Variants in LSP1 observed in about 807,000 individuals in gnomAD.
LSP1 encodes the protein lymphocyte specific protein 1.
LSP1 carries 32 observed loss-of-function variants against 49.3 expected under a neutral mutation model. That is an observed-to-expected ratio of 0.65 (90% CI 0.49 to 0.87). LSP1 has a LOEUF of 0.87. Among genes scored for constraint, LSP1 ranks in the 40% least tolerant of loss-of-function variants. The probability of loss-of-function intolerance (pLI) is 0.00; values close to 1 mark genes in which losing one functional copy is unlikely to be tolerated. For synonymous variants in LSP1, 179 were observed against 178.8 expected (o/e 1.00, Z -0.01); for missense variants, 428 against 442.6 (o/e 0.97, Z 0.30).
Position 1,857,392 on chromosome 11 carries a change from G to A in LSP1, c.53+4195G>A, listed in dbSNP as rs1847516219. Among the ~76,000 whole-genome samples the A allele has an allele frequency of 2.0e-5, 3 of 152,212 alleles. No individual in the cohort carries two copies. The South Asian group carries it at 6.2e-4, about 31-fold the overall frequency. ...GGGCCTCTGCTCCGCTACCCTACGG[G>A]CCAGCCTGTCTCCACCTCAGTTCCC... On this transcript the variant is annotated intron_variant, in intron 1 of 10. Coordinates refer to ENST00000311604, the MANE Select transcript of LSP1 (RefSeq NM_002339.3).
chr11:1,861,751 G>T (rs539456351), intron 1 of LSP1, among the ~76,000 whole-genome samples: 5 of 122,706 alleles, frequency 4.1e-5, no homozygotes, highest in African/African-American at 1.3e-4. Flanking sequence ...TGGTGGATGA[G>T]TGGATGAGTG....
chr11:1,885,444 T>C (rs1848716092), intron 7 of LSP1, among the ~76,000 whole-genome samples: 1 of 151,438 alleles, frequency 6.6e-6, no homozygotes, highest in South Asian at 2.1e-4. Flanking sequence ...GCTCCTCCAT[T>C]CAATCAATTC....
At chr11:1,858,902 G>A (rs1847554096) in intron 1 of LSP1, among the ~76,000 whole-genome samples, 1 of 152,222 alleles carries the variant, frequency 6.6e-6, no homozygotes, top group Non-Finnish European at 1.5e-5. Flanking sequence ...CTGAGCAGGG[G>A]TGGCAGGAGG....
intron 1 of LSP1, among the ~76,000 whole-genome samples, chr11:1,854,085 G>A (rs1847428221): frequency 6.6e-6 from 1 of 152,186 alleles, no homozygotes; most frequent in African/African-American, 2.4e-5. Flanking sequence ...GGAGGGCTCA[G>A]GGCGTGCGGT....
intron 3 of LSP1, among the ~76,000 whole-genome samples, chr11:1,881,974 C>T (rs1848566813): frequency 2.0e-5 from 3 of 152,318 alleles, no homozygotes; most frequent in East Asian, 1.9e-4. Flanking sequence ...CACACAGCTG[C>T]GGCCGCTTCC....
chr11:1,857,069 G>C (rs953312610), intron 1 of LSP1, among the ~76,000 whole-genome samples: 1 of 152,234 alleles, frequency 6.6e-6, no homozygotes, highest in South Asian at 2.1e-4. Context: ...CCTGCCCTGG[G>C]TAAGGGGTCT....
chr11:1,862,118 G>C (rs1441689054), intron 1 of LSP1, among the ~76,000 whole-genome samples: 1 of 152,058 alleles, frequency 6.6e-6, no homozygotes, highest in Admixed American at 6.5e-5. Context: ...TGAATAGATG[G>C]GTGGGTGGAT....
At chr11:1,882,282 C>T (rs1216055251) in intron 3 of LSP1, among the ~76,000 whole-genome samples, 4 of 152,152 alleles carry the variant, frequency 2.6e-5, no homozygotes, top group Admixed American at 6.5e-5. Flanking sequence ...GGGACCCCAG[C>T]CCTGCTCAGG....
At position 1,880,083 on chromosome 11, in the gene LSP1, C is replaced by G; in HGVS notation, c.54-4C>G. 1 of 1,608,420 alleles carries G rather than the reference C, an allele frequency of 6.2e-7. No individual in the cohort carries two copies. Among genetic ancestry groups the G allele is most frequent in the Non-Finnish European group, 8.5e-7 (1 of 1,177,292 alleles). ...CGTGACTGTCCCTCTGTGTCCCCCACTAGGCCCACTGCTCAGTGGAGCGTG... is the reference window on the plus strand; with the variant it reads ...CGTGACTGTCCCTCTGTGTCCCCCAGTAGGCCCACTGCTCAGTGGAGCGTG... On this transcript the variant is annotated splice_region_variant and splice_polypyrimidine_tract_variant and intron_variant, in intron 1 of 10. Coordinates refer to ENST00000311604, the MANE Select transcript of LSP1 (RefSeq NM_002339.3).
At chr11:1,871,276 G>C (rs945773636) in intron 1 of LSP1, 2 of 986,798 alleles carry the variant, frequency 2.0e-6, no homozygotes, top group Middle Eastern at 1.0e-3. Context: ...AGCAGGCAGG[G>C]CCACCCACGA....
At chr11:1,857,987 C>T (rs1456094884) in intron 1 of LSP1, among the ~76,000 whole-genome samples, 1 of 152,144 alleles carries the variant, frequency 6.6e-6, no homozygotes, top group Admixed American at 6.5e-5. Flanking sequence ...AACTCCTGAC[C>T]TCAGGTGATC....
At chr11:1,875,882 C>G (rs1258380271) in intron 1 of LSP1, among the ~76,000 whole-genome samples, 1 of 152,226 alleles carries the variant, frequency 6.6e-6, no homozygotes, top group Non-Finnish European at 1.5e-5. Flanking sequence ...CCAGCTGCGT[C>G]CCCAGCTGCC....
chr11:1,872,500 GT>G (rs1848080051), intron 1 of LSP1, among the ~76,000 whole-genome samples: 1 of 146,140 alleles, frequency 6.8e-6, no homozygotes, highest in Admixed American at 6.8e-5. Flanking sequence ...GGTGTGTGTG[GT>G]GGGCAGGCCT....
intron 1 of LSP1, among the ~76,000 whole-genome samples, chr11:1,869,386 GAGAA>G (rs1439627470): frequency 1.3e-5 from 2 of 152,106 alleles, no homozygotes; most frequent in African/African-American, 4.8e-5. Context: ...AAAGAAATGA[GAGAA>G]AGGGAGGGAA....
chr11:1,860,026 T>C (rs587961), intron 1 of LSP1, among the ~76,000 whole-genome samples: 105,029 of 151,962 alleles, frequency 0.69, 36,490 homozygotes, highest in East Asian at 0.85. Context: ...TGTGTCAATA[T>C]GAAGACAGAT....
intron 1 of LSP1, chr11:1,869,728 A>T (rs946596754): frequency 3.4e-5 from 16 of 470,504 alleles, no homozygotes; most frequent in Non-Finnish European, 6.2e-5. Flanking sequence ...CAGTGAGGCC[A>T]GGCGAGGGCT....
intron 10 of LSP1, chr11:1,890,017 G>A (rs991185292): frequency 4.4e-6 from 3 of 678,350 alleles, no homozygotes; most frequent in South Asian, 3.3e-5. Flanking sequence ...GTCCCATTGT[G>A]TGGGGATGGT....
intron 1 of LSP1, among the ~76,000 whole-genome samples, chr11:1,876,843 G>A (rs1032128532): frequency 2.0e-4 from 30 of 152,296 alleles, no homozygotes; most frequent in African/African-American, 7.0e-4. Flanking sequence ...CGAGGCATCC[G>A]TCAGAGTTCT....
At chr11:1,872,931 C>T (rs918938210) in intron 1 of LSP1, among the ~76,000 whole-genome samples, 4 of 151,896 alleles carry the variant, frequency 2.6e-5, no homozygotes, top group Non-Finnish European at 4.4e-5. Context: ...ATGGAGGAGG[C>T]GACCCTATCC....
Sources: allele counts gnomAD v4.1 joint callset (sites outside exome capture counted in the v4.1 genomes callset), GRCh38; gene constraint gnomAD v4.1.1; transcripts MANE v1.5; gene names NCBI Gene and HGNC (gene_info 2026-07-23, HGNC 2026-07-21).